Variants in IL1RAPL1 observed in about 807,000 individuals in gnomAD.
IL1RAPL1 encodes interleukin-1 receptor accessory protein-like 1.
A neutral mutation model predicts 48.4 loss-of-function variants in IL1RAPL1; 3 were observed. That is an observed-to-expected ratio of 0.06 (90% confidence interval 0.03 to 0.16). The LOEUF is 0.16. IL1RAPL1 is among the 10% of genes least tolerant of loss of function. The pLI, the probability that IL1RAPL1 is intolerant of heterozygous loss-of-function variation, is 1.00. For synonymous variants in IL1RAPL1, 185 were observed against 187.7 expected (o/e 0.99, Z 0.12); for missense variants, 349 against 530.6 (o/e 0.66, Z 3.36).
At chrX:28,741,721 A>G (rs1935909452) in intron 1 of IL1RAPL1, among the ~76,000 whole-genome samples, 1 of 111,918 alleles carries the variant, frequency 8.9e-6, no homozygotes, top group Admixed American at 9.5e-5. Flanking sequence ...TCTTCACCTC[A>G]CCTTTGTCAG....
At chrX:28,770,760 G>A (rs970725216) in intron 1 of IL1RAPL1, among the ~76,000 whole-genome samples, 12 of 112,101 alleles carry the variant, frequency 1.1e-4, no homozygotes, top group Non-Finnish European at 2.1e-4. Context: ...TCCTTTGTAT[G>A]CATATTTTTG....
intron 2 of IL1RAPL1, among the ~76,000 whole-genome samples, chrX:28,899,103 C>G (rs1168394069): frequency 9.0e-6 from 1 of 111,280 alleles, no homozygotes; most frequent in Admixed American, 9.5e-5. Context: ...AAGCAGGTAC[C>G]TTCTTCCCAA....
chrX:29,594,919 G>A (rs1194672070), intron 5 of IL1RAPL1, among the ~76,000 whole-genome samples: 1 of 110,857 alleles, frequency 9.0e-6, no homozygotes, highest in African/African-American at 3.3e-5. Context: ...AAACTCCAAT[G>A]TATCATTCTT....
At chrX:29,255,556 G>A (rs1283681252) in intron 2 of IL1RAPL1, among the ~76,000 whole-genome samples, 1 of 110,573 alleles carries the variant, frequency 9.0e-6, no homozygotes, top group Non-Finnish European at 1.9e-5. Flanking sequence ...TCCTGTTGCC[G>A]AAGTCCTGAA....
At chrX:28,963,498 C>A (rs973682390) in intron 2 of IL1RAPL1, among the ~76,000 whole-genome samples, 4 of 110,586 alleles carry the variant, frequency 3.6e-5, no homozygotes, top group African/African-American at 1.3e-4. Context: ...AATATATATA[C>A]AAGTAGATGA....
chrX:29,825,767 A>T (rs746162305), intron 6 of IL1RAPL1, among the ~76,000 whole-genome samples: 14 of 111,955 alleles, frequency 1.3e-4, no homozygotes, highest in Non-Finnish European at 2.3e-4. Context: ...AGACCTTAGA[A>T]TCATTTCATA....
chrX:29,393,797 G>C (rs1933888976), intron 3 of IL1RAPL1, among the ~76,000 whole-genome samples: 1 of 108,705 alleles, frequency 9.2e-6, no homozygotes, highest in Non-Finnish European at 1.9e-5. Flanking sequence ...AAGCATATTT[G>C]AATGTGCCCT....
chrX:29,020,408 T>G (rs932097106), intron 2 of IL1RAPL1, among the ~76,000 whole-genome samples: 5 of 112,300 alleles, frequency 4.5e-5, no homozygotes, highest in African/African-American at 1.6e-4. Flanking sequence ...GTGTTACAGT[T>G]GCCTACAGTA....
At chrX:29,591,176 A>G (rs1923359025) in intron 5 of IL1RAPL1, among the ~76,000 whole-genome samples, 1 of 111,843 alleles carries the variant, frequency 8.9e-6, no homozygotes, top group South Asian at 3.7e-4. Context: ...TGCAGTTGCT[A>G]GGGAGAGGCT....
intron 5 of IL1RAPL1, among the ~76,000 whole-genome samples, chrX:29,582,349 C>CT (rs66537814): frequency 2.1e-4 from 19 of 88,978 alleles, no homozygotes; most frequent in Admixed American, 1.1e-3. Flanking sequence ...AAGATAGCAT[C>CT]TTTTTTTTTT....
intron 3 of IL1RAPL1, among the ~76,000 whole-genome samples, chrX:29,286,772 C>T (rs1221615403): frequency 9.0e-6 from 1 of 111,569 alleles, no homozygotes; most frequent in Non-Finnish European, 1.9e-5. Context: ...ATAGTTATGC[C>T]CTATTAGCAG....
intron 6 of IL1RAPL1, among the ~76,000 whole-genome samples, chrX:29,739,437 A>T (rs1248489294): frequency 9.0e-6 from 1 of 111,352 alleles, no homozygotes; most frequent in Admixed American, 9.5e-5. Flanking sequence ...GGCTGTGGCA[A>T]TCCTTGAGAT....
chrX:29,439,990 CGTGTGT>C (rs60967823), intron 5 of IL1RAPL1, among the ~76,000 whole-genome samples: 6,150 of 96,524 alleles, frequency 0.064, 414 homozygotes, highest in African/African-American at 0.19. Flanking sequence ...CAATTTGACA[CGTGTGT>C]GTGTGTGTGT....
intron 3 of IL1RAPL1, among the ~76,000 whole-genome samples, chrX:29,393,275 C>A (rs1933879000): frequency 9.0e-6 from 1 of 111,683 alleles, no homozygotes; most frequent in African/African-American, 3.3e-5. Context: ...GCGCCCGCCA[C>A]CACGCCCGGC....
intron 2 of IL1RAPL1, among the ~76,000 whole-genome samples, chrX:29,253,961 T>C (rs1180576190): frequency 9.0e-6 from 1 of 111,731 alleles, no homozygotes; most frequent in Non-Finnish European, 1.9e-5. Flanking sequence ...TTTAAAGATG[T>C]TTAGACATAA....
At chrX:29,819,007 A>T (rs780367913) in intron 6 of IL1RAPL1, among the ~76,000 whole-genome samples, 1 of 111,674 alleles carries the variant, frequency 9.0e-6, no homozygotes, top group African/African-American at 3.2e-5. Flanking sequence ...TATCTGAACC[A>T]AGGCAGGTTT....
intron 3 of IL1RAPL1, among the ~76,000 whole-genome samples, chrX:29,324,910 C>G (rs188466791): frequency 5.4e-5 from 6 of 111,648 alleles, no homozygotes; most frequent in Non-Finnish European, 5.6e-5. Context: ...TAGTTAGAAC[C>G]AAGCTATTTA....
At chrX:29,226,782 T>A (rs1037627925) in intron 2 of IL1RAPL1, among the ~76,000 whole-genome samples, 1 of 110,754 alleles carries the variant, frequency 9.0e-6, no homozygotes, top group Non-Finnish European at 1.9e-5. Context: ...TCAATTTTGG[T>A]CAGTGACAGT....
intron 5 of IL1RAPL1, among the ~76,000 whole-genome samples, chrX:29,575,059 A>T (rs1922730765): frequency 9.0e-6 from 1 of 111,310 alleles, no homozygotes; most frequent in African/African-American, 3.3e-5. Flanking sequence ...GAAAGTTCCA[A>T]TCTTTCCCTC....
Sources: allele counts gnomAD v4.1 joint callset (sites outside exome capture counted in the v4.1 genomes callset), GRCh38; gene constraint gnomAD v4.1.1; transcripts MANE v1.5; gene names NCBI Gene and HGNC (gene_info 2026-07-23, HGNC 2026-07-21).